The following ADGRG1 variants were observed in gnomAD, a reference collection of about 807,000 sequenced individuals.
ADGRG1 encodes the protein adhesion G protein-coupled receptor G1.
A neutral mutation model predicts 73.5 loss-of-function variants in ADGRG1; 53 were observed. The observed-to-expected ratio is 0.72, with a 90% confidence interval of 0.58 to 0.91. The LOEUF (loss-of-function observed/expected upper bound fraction) is 0.91. Among genes scored for constraint, ADGRG1 ranks in the 40% least tolerant of loss-of-function variants. ADGRG1 has a pLI of 0.00. For synonymous variants in ADGRG1, 394 were observed against 374.4 expected, an observed-to-expected ratio of 1.05 and a Z score of -0.60; for missense variants, 795 against 871.8, an observed-to-expected ratio of 0.91 and a Z score of 1.11.
intron 1 of ADGRG1, chr16:57,634,221 G>A: frequency 1.0e-6 from 1 of 985,426 alleles, no homozygotes; most frequent in Non-Finnish European, 1.2e-6. Context: ...GGGCCTCAGG[G>A]TGTGGCTCTG....
At chr16:57,631,179 G>A (rs142807980) in intron 1 of ADGRG1, 34 of 986,482 alleles carry the variant, frequency 3.4e-5, no homozygotes, top group Admixed American at 1.8e-4. Context: ...GCGCCCAGTC[G>A]AGGGGAAGGA....
rs368619013 is a variant in ADGRG1, at chr16:57,661,780, T to C, written c.1748T>C (p.Leu583Pro). 3 of 1,614,076 alleles carry C rather than the reference T, an allele frequency of 1.9e-6. No individual in the cohort carries two copies. The African/African-American group carries it at 4.0e-5, about 22-fold the overall frequency. Reference sequence around the variant, plus strand: ...GTGTTTCTGTTCAACATGGCCATGCTAGCCACCATGGTGGTGCAGATCCTG... The same window carrying C: ...GTGTTTCTGTTCAACATGGCCATGCCAGCCACCATGGTGGTGCAGATCCTG... ...SLVFLFNMAM[L>P]ATMVVQILRL... is the part of the protein sequence containing the mutation. The change falls in exon 13 of 14, where the codon CTA becomes CCA. Residue 583 changes from leucine (L) to proline (P), a missense_variant. By Grantham distance (98) the Leu-to-Pro change is moderately conservative. Coordinates refer to ENST00000562631, the MANE Select transcript of ADGRG1 (RefSeq NM_201525.4).
At chr16:57,661,564 T>A (rs1247257779) in intron 12 of ADGRG1, 133 bp from the exon 13 acceptor site, 1 of 1,507,560 alleles carries the variant, frequency 6.6e-7, no homozygotes, top group East Asian at 2.5e-5. Context: ...TAAAATTACA[T>A]CAACACTGTA....
At chr16:57,636,440 G>A in intron 1 of ADGRG1, 1 of 985,260 alleles carries the variant, frequency 1.0e-6, no homozygotes, top group Non-Finnish European at 1.2e-6. Flanking sequence ...ATCCTATCAG[G>A]CTATGCACAG....
intron 1 of ADGRG1, chr16:57,629,100 G>A (rs972331592): frequency 1.2e-6 from 1 of 819,542 alleles, no homozygotes; most frequent in Non-Finnish European, 1.5e-6. Flanking sequence ...GAGTGTAAGT[G>A]TGGATGTGTG....
upstream of ADGRG1, chr16:57,623,906 C>G (rs531250573): frequency 1.3e-6 from 1 of 797,254 alleles, no homozygotes; most frequent in Admixed American, 6.2e-5. Context: ...GACTCTGTTG[C>G]CAACTTGCTG....
upstream of ADGRG1, chr16:57,622,917 C>T (rs1412254999): frequency 2.8e-5 from 28 of 985,300 alleles, no homozygotes; most frequent in Non-Finnish European, 3.0e-5. Flanking sequence ...GGCCCTTTCC[C>T]GGCAGGGCAG....
chr16:57,656,108 C>A, intron 7 of ADGRG1, 116 bp downstream of exon 7: 1 of 1,613,458 alleles, frequency 6.2e-7, no homozygotes, highest in South Asian at 1.1e-5. Context: ...ATCGAGCAGT[C>A]AGGTCCAAAT....
At chr16:57,643,811 GGGGGAGGGGAGTGGGAATA>G (rs1233833217) in intron 1 of ADGRG1, 12 of 984,402 alleles carry the variant, frequency 1.2e-5, no homozygotes, top group Middle Eastern at 1.0e-3. Flanking sequence ...GAGTGGGAAT[GGGGGAGGGGAGTGGGAATA>G]GGGGAGGAGA....
rs1429418983 is a variant in ADGRG1, at chr16:57,659,543, G to T, written c.1417G>T (p.Ala473Ser). 1 of 1,614,114 alleles carries T rather than the reference G, an allele frequency of 6.2e-7. No homozygotes were observed. The highest frequency in any genetic ancestry group is 8.5e-7 in the Non-Finnish European group (1 of 1,180,000). ...TGSEAGCRAS[A>S]IFLHFSLLTC... ...CTCTGAGGCTGGCTGCCGAGCCAGT[G>T]CCATCTTCCTGCACTTCTCCCTGCT... Residue 473 changes from alanine to serine, a missense_variant, in exon 11 of 14, where the codon GCC becomes TCC. Transcript: ENST00000562631.
intron 10 of ADGRG1, 60 bp downstream of exon 10, chr16:57,657,551 G>T: frequency 8.0e-7 from 1 of 1,257,724 alleles, no homozygotes; most frequent in East Asian, 2.3e-5. Flanking sequence ...ACCTCCACCA[G>T]GGCGCCGCAC....
At chr16:57,623,214 C>G (rs2035195719), upstream of ADGRG1, 7 of 985,098 alleles carry the variant, frequency 7.1e-6, no homozygotes, top group Non-Finnish European at 8.4e-6. Flanking sequence ...CAGGGGTTCA[C>G]CTGCTCCAAG....
intron 1 of ADGRG1, chr16:57,631,049 C>T (rs1252116509): frequency 1.8e-5 from 18 of 985,212 alleles, no homozygotes; most frequent in Middle Eastern, 5.2e-4. Context: ...CCCAGCAGGA[C>T]GGGGAGGGCC....
chr16:57,632,036 G>A (rs1214757730), intron 1 of ADGRG1: 1 of 985,354 alleles, frequency 1.0e-6, no homozygotes, highest in Non-Finnish European at 1.2e-6. Flanking sequence ...GAGCAATCCT[G>A]GACCTTCCCT....
chr16:57,654,415 C>G (rs1175807595), intron 5 of ADGRG1, among the ~76,000 whole-genome samples: 1 of 136,928 alleles, frequency 7.3e-6, no homozygotes, highest in Admixed American at 7.6e-5. Context: ...ACGCACCCCC[C>G]CCCCCCGTTT....
At chr16:57,647,020 C>T in intron 1 of ADGRG1, 1 of 945,738 alleles carries the variant, frequency 1.1e-6, no homozygotes, top group Non-Finnish European at 1.2e-6. Context: ...CAGGTCAGGT[C>T]CCAGGGGTCT....
chr16:57,629,797 G>A (rs774279936), intron 1 of ADGRG1, among the ~76,000 whole-genome samples: 11 of 152,146 alleles, frequency 7.2e-5, no homozygotes, highest in Non-Finnish European at 1.0e-4. Context: ...CCTGGTCCCC[G>A]CGGGGGCTGG....
chr16:57,656,301 A>T, intron 8 of ADGRG1, 30 bp downstream of exon 8: 2 of 1,602,608 alleles, frequency 1.2e-6, no homozygotes, highest in Non-Finnish European at 1.7e-6. Context: ...TGGGCTGGAC[A>T]AGTATCTGGA....
chr16:57,658,139 A>T (rs2046207236), intron 10 of ADGRG1, among the ~76,000 whole-genome samples: 2 of 152,158 alleles, frequency 1.3e-5, no homozygotes, highest in African/African-American at 4.8e-5. Flanking sequence ...AAAAGGAAAG[A>T]TTTTTCATTT....
Sources: gnomAD v4.1 joint callset for allele counts (sites outside exome capture counted in the v4.1 genomes callset) on GRCh38, gnomAD v4.1.1 for gene constraint, MANE v1.5 for transcripts, NCBI Gene and HGNC (gene_info 2026-07-23, HGNC 2026-07-21) for gene names.